Variants in SORBS2 observed in about 807,000 individuals in gnomAD.
The protein encoded by SORBS2 is sorbin and SH3 domain-containing protein 2.
SORBS2 carries 46 observed loss-of-function variants against 97.7 expected under a neutral mutation model. The ratio of observed to expected loss-of-function variants is 0.47; its 90% CI spans 0.37 to 0.60. SORBS2 has a LOEUF of 0.60. SORBS2 is among the 20% of genes least tolerant of loss of function. The pLI, the probability that SORBS2 is intolerant of heterozygous loss-of-function variation, is 0.00. For synonymous variants in SORBS2, 476 were observed against 473.4 expected (o/e 1.01, Z -0.07); for missense variants, 1,316 against 1,282.3 (o/e 1.03, Z -0.40).
At chr4:185,740,268 C>G (rs930088230) in intron 2 of SORBS2, 3 of 152,318 alleles carry the variant, frequency 2.0e-5, no homozygotes, top group Admixed American at 1.3e-4. Context: ...TGGGCTTCGC[C>G]CATGCTGACA....
chr4:185,704,744 C>T (rs1219166564), intron 2 of SORBS2, among the ~76,000 whole-genome samples: 1 of 152,214 alleles, frequency 6.6e-6, no homozygotes, highest in African/African-American at 2.4e-5. Context: ...AAACATTCAG[C>T]TCTGGGAAGG....
At chr4:185,672,905 T>C (rs1018671458) in intron 4 of SORBS2, among the ~76,000 whole-genome samples, 1 of 152,176 alleles carries the variant, frequency 6.6e-6, no homozygotes, top group East Asian at 1.9e-4. Context: ...GAAAGGTCAT[T>C]ACATGGAAAA....
intron 2 of SORBS2, among the ~76,000 whole-genome samples, chr4:185,727,081 C>T (rs1195298502): frequency 6.6e-6 from 1 of 152,184 alleles, no homozygotes; most frequent in Admixed American, 6.5e-5. Context: ...AAGCCCTGGA[C>T]AGACGCCACC....
chr4:185,725,336 T>G (rs1047201642), intron 2 of SORBS2, among the ~76,000 whole-genome samples: 1 of 152,210 alleles, frequency 6.6e-6, no homozygotes, highest in Admixed American at 6.5e-5. Context: ...TACCCACTTG[T>G]GTTCAAAGGA....
At chr4:185,888,999 GCT>G in intron 1 of SORBS2, among the ~76,000 whole-genome samples, 1 of 152,240 alleles carries the variant, frequency 6.6e-6, no homozygotes, top group Non-Finnish European at 1.5e-5. Context: ...GCAGGCGACT[GCT>G]GTCATTATGC....
At chr4:185,910,091 C>G (rs1322358087) in intron 1 of SORBS2, among the ~76,000 whole-genome samples, 1 of 151,958 alleles carries the variant, frequency 6.6e-6, no homozygotes, top group Non-Finnish European at 1.5e-5. Flanking sequence ...TTAAGACACA[C>G]CTAGTATGTG....
chr4:185,863,398 A>G (rs2099225000), intron 1 of SORBS2, among the ~76,000 whole-genome samples: 1 of 152,230 alleles, frequency 6.6e-6, no homozygotes, highest in Admixed American at 6.5e-5. Flanking sequence ...GCAACGTCCT[A>G]TGCTTATTTC....
At chr4:185,938,675 C>T (rs958663994) in intron 1 of SORBS2, among the ~76,000 whole-genome samples, 70 of 152,126 alleles carry the variant, frequency 4.6e-4, no homozygotes, top group African/African-American at 1.6e-3. Flanking sequence ...TCCACCTCCC[C>T]GAGAACCCCA....
chr4:185,864,127 G>A (rs557983229), intron 1 of SORBS2, among the ~76,000 whole-genome samples: 10 of 152,268 alleles, frequency 6.6e-5, no homozygotes, highest in Admixed American at 5.9e-4. Context: ...TATAAAAAGT[G>A]TGCCATTATT....
Position 185,623,025 on chromosome 4 carries a change from A to G in SORBS2, c.2104T>C (p.Cys702Arg), listed in dbSNP as rs781581159. ...CCGCAGTCATTCTGGTAGGGTGGAC[A>G]ATGAATAGCACCATCGGGAGGCAGT... Residue 702 changes from cysteine to arginine, a missense_variant, in exon 7 of 15, where the codon TGT becomes CGT. By Grantham distance (180) the Cys-to-Arg change is radical. Transcript: ENST00000418609. This position sits in a 1 kb window ranked among gnomAD's most constrained non-coding sequence, Gnocchi z 6.4. 1.9e-6 allele frequency: 3 copies of G among 1,614,154 alleles called. No individual in the cohort carries two copies. Among genetic ancestry groups the G allele is most frequent in the Non-Finnish European group, 2.5e-6 (3 of 1,180,028 alleles).
At chr4:185,775,097 G>A (rs1319622034) in intron 2 of SORBS2, 130 bp downstream of exon 2, 5 of 152,130 alleles carry the variant, frequency 3.3e-5, no homozygotes, top group Non-Finnish European at 7.4e-5. Context: ...CTGTATTCTG[G>A]AACACCGTGT....
rs548990552 is a variant in SORBS2, at chr4:185,934,887, C to T, written c.-338+21309G>A. On this transcript the variant is annotated intron_variant, in intron 1 of 20. Coordinates refer to the SORBS2 transcript ENST00000284776. ...CTTTCTAAACACTGTTCTGTGGCCC[C>T]CTCTGTGCATCCCTAGACTGCTCAA... Among the ~76,000 whole-genome samples, 6 of 152,178 alleles carry T rather than the reference C, an allele frequency of 3.9e-5. No individual in the cohort carries two copies. The East Asian group carries it at 9.7e-4, about 25-fold the overall frequency.
intron 1 of SORBS2, among the ~76,000 whole-genome samples, chr4:185,867,463 G>A (rs1021850504): frequency 6.6e-6 from 1 of 152,196 alleles, no homozygotes; most frequent in African/African-American, 2.4e-5. Flanking sequence ...CAGGGTGGAC[G>A]GACTTCCTGT....
intron 4 of SORBS2, chr4:185,666,040 G>A (rs1034125149): frequency 1.7e-5 from 22 of 1,289,548 alleles, no homozygotes; most frequent in African/African-American, 4.6e-5. Context: ...ATCGGGGGGC[G>A]GAAGGCTGAG....
At chr4:185,631,005 T>C (rs1351938382) in intron 4 of SORBS2, among the ~76,000 whole-genome samples, 2 of 152,248 alleles carry the variant, frequency 1.3e-5, no homozygotes, top group Non-Finnish European at 2.9e-5. Context: ...AAATTTGTAG[T>C]CATCATTCAA....
At chr4:185,663,219 A>G (rs1265341511) in intron 4 of SORBS2, among the ~76,000 whole-genome samples, 2 of 152,236 alleles carry the variant, frequency 1.3e-5, no homozygotes, top group African/African-American at 4.8e-5. Context: ...CACAACACAC[A>G]TAGGCACACA....
intron 2 of SORBS2, among the ~76,000 whole-genome samples, chr4:185,733,563 G>T (rs901664048): frequency 2.0e-5 from 3 of 152,202 alleles, no homozygotes; most frequent in African/African-American, 7.2e-5. Context: ...TGTGCTTGGG[G>T]ATAAGGGCGT....
chr4:185,604,485 G>A (rs1180992153), intron 12 of SORBS2, among the ~76,000 whole-genome samples: 1 of 152,178 alleles, frequency 6.6e-6, no homozygotes, highest in Non-Finnish European at 1.5e-5. Flanking sequence ...GCAGGTGGCT[G>A]GGAAAGGGTG....
At chr4:185,663,072 A>G (rs2097544022) in intron 4 of SORBS2, among the ~76,000 whole-genome samples, 1 of 152,228 alleles carries the variant, frequency 6.6e-6, no homozygotes, top group Non-Finnish European at 1.5e-5. Context: ...GGCTTAGTTC[A>G]CAGATATCGA....
Sources: gnomAD v4.1 joint callset for allele counts (sites outside exome capture counted in the v4.1 genomes callset) on GRCh38, gnomAD v4.1.1 for gene constraint, Gnocchi (gnomAD v3.1) non-coding constraint, MANE v1.5 for transcripts, NCBI Gene and HGNC (gene_info 2026-07-23, HGNC 2026-07-21) for gene names.